Variants in XDH observed in about 807,000 individuals in gnomAD.
The protein encoded by XDH is xanthine dehydrogenase, also known as xanthine dehydrogenase/oxidase.
A neutral mutation model predicts 156.1 loss-of-function variants in XDH; 138 were observed. The observed-to-expected ratio is 0.88, with a 90% confidence interval of 0.77 to 1.02. The LOEUF is 1.02. Ranked by LOEUF, XDH falls within the 50% of genes least tolerant of loss-of-function variation. The pLI is 0.00. For synonymous variants in XDH, 669 were observed against 625.7 expected (o/e 1.07, Z -1.03); for missense variants, 1,849 against 1,684.9 (o/e 1.10, Z -1.71).
chr2:31,369,457 A>C (rs2043013), intron 18 of XDH, among the ~76,000 whole-genome samples: 72,846 of 152,106 alleles, frequency 0.48, 18,048 homozygotes, highest in African/African-American at 0.61. Flanking sequence ...AAATTTTTGT[A>C]CAACACATCA....
rs1038828217 is a variant in XDH, at chr2:31,355,144, A to C, written c.2632-4921T>G. Reference sequence around the variant, plus strand: ...GAAGTGGCAGTTTTTCAGGTGCTGAAAGAAACGAACTGTTAACTCAAAACT... The same window carrying C: ...GAAGTGGCAGTTTTTCAGGTGCTGACAGAAACGAACTGTTAACTCAAAACT... On this transcript the variant is annotated intron_variant, in intron 24 of 35. Coordinates refer to ENST00000379416, the MANE Select transcript of XDH (RefSeq NM_000379.4). Among the ~76,000 whole-genome samples, 12 of 152,322 alleles carry C rather than the reference A, an allele frequency of 7.9e-5. No homozygotes were observed. The East Asian group carries it at 2.3e-3, about 29-fold the overall frequency.
intron 20 of XDH, 147 bp downstream of exon 20, chr2:31,367,811 TCTC>T: frequency 1.3e-6 from 1 of 786,298 alleles, no homozygotes. Context: ...CATCCAACTG[TCTC>T]CTATTTTGCT....
intron 19 of XDH, 45 bp downstream of exon 19, chr2:31,368,496 G>T (rs368797976): frequency 8.7e-6 from 14 of 1,611,364 alleles, no homozygotes; most frequent in Non-Finnish European, 8.5e-6. Context: ...CACATCCAGG[G>T]ACGGGGAGCT....
At chr2:31,381,532 G>A in intron 12 of XDH, 101 bp downstream of exon 12, 2 of 1,179,822 alleles carry the variant, frequency 1.7e-6, no homozygotes, top group Non-Finnish European at 2.5e-6. Context: ...GGAAAGCTGG[G>A]TCACTGAACT....
At position 31,346,805 on chromosome 2, in the gene XDH, G is replaced by A; in HGVS notation, c.3315C>T (p.Tyr1105=). ...CQTILKRLEP[Y]KKKNPSGSWE... Reference sequence around the variant, plus strand: ...AGGAGCCACTGGGATTCTTCTTCTTGTAGGGTTCCAGCCTTTTCAAGATGG... The same window carrying A: ...AGGAGCCACTGGGATTCTTCTTCTTATAGGGTTCCAGCCTTTTCAAGATGG... Residue 1105 remains tyrosine (Y), a synonymous_variant, in exon 30 of 36, where the codon TAC becomes TAT. Transcript: ENST00000379416. The A allele has an allele frequency of 6.2e-7, 1 of 1,614,096 alleles. No homozygotes were observed.
chr2:31,346,004 C>G (rs1021636653), intron 30 of XDH, among the ~76,000 whole-genome samples: 2 of 152,154 alleles, frequency 1.3e-5, no homozygotes, highest in East Asian at 3.8e-4. Flanking sequence ...ATGAGTGGGT[C>G]TGAGAAAAAT....
At chr2:31,359,412 G>A (rs748357288) in intron 24 of XDH, among the ~76,000 whole-genome samples, 1 of 150,646 alleles carries the variant, frequency 6.6e-6, no homozygotes, top group African/African-American at 2.4e-5. Context: ...GGCCCTTTTA[G>A]TACAGGCGAA....
chr2:31,349,229 C>A (rs1685389253), intron 26 of XDH, among the ~76,000 whole-genome samples: 1 of 152,154 alleles, frequency 6.6e-6, no homozygotes, highest in Non-Finnish European at 1.5e-5. Flanking sequence ...GCCTCACTGA[C>A]AATAATAAAG....
At chr2:31,375,873 C>T (rs1385460940) in intron 14 of XDH, among the ~76,000 whole-genome samples, 2 of 152,128 alleles carry the variant, frequency 1.3e-5, no homozygotes, top group Non-Finnish European at 2.9e-5. Flanking sequence ...ATGTAGTAAG[C>T]AAAATTCCTA....
chr2:31,367,738 T>C (rs985375847), intron 20 of XDH, among the ~76,000 whole-genome samples: 3 of 152,180 alleles, frequency 2.0e-5, no homozygotes, highest in Middle Eastern at 6.3e-3. Flanking sequence ...AGAATCTCTC[T>C]AGAATCATTA....
intron 28 of XDH, 131 bp downstream of exon 28, chr2:31,348,137 C>T: frequency 1.1e-6 from 1 of 913,632 alleles, no homozygotes; most frequent in Non-Finnish European, 1.8e-6. Context: ...TTGCCCGAGG[C>T]TACACGGACA....
chr2:31,339,427 AC>A, intron 34 of XDH, 61 bp downstream of exon 34: 1 of 1,609,554 alleles, frequency 6.2e-7, no homozygotes, highest in Non-Finnish European at 8.5e-7. Flanking sequence ...GCCTCTCATC[AC>A]CCGCTGGGGC....
At chr2:31,395,605 C>A (rs1054320179) in intron 6 of XDH, among the ~76,000 whole-genome samples, 1 of 152,164 alleles carries the variant, frequency 6.6e-6, no homozygotes, top group Non-Finnish European at 1.5e-5. Context: ...GCACCCGCTC[C>A]ATGACTGCAT....
intron 6 of XDH, among the ~76,000 whole-genome samples, chr2:31,391,615 C>T (rs1040498834): frequency 3.3e-5 from 5 of 152,154 alleles, no homozygotes; most frequent in African/African-American, 1.2e-4. Flanking sequence ...TATTCAGTCT[C>T]CTTATTCATG....
chr2:31,389,894 G>A (rs1686717304), intron 6 of XDH, among the ~76,000 whole-genome samples: 1 of 151,814 alleles, frequency 6.6e-6, no homozygotes, highest in African/African-American at 2.4e-5. Context: ...AGAAAAAACT[G>A]AGTGGAAGAT....
chr2:31,387,626 C>G (rs977811577), intron 8 of XDH, among the ~76,000 whole-genome samples, 185 bp downstream of exon 8: 4 of 152,090 alleles, frequency 2.6e-5, no homozygotes, highest in African/African-American at 9.7e-5. Context: ...AACTGAAGTG[C>G]AGGGGCTGTG....
intron 4 of XDH, 140 bp downstream of exon 4, chr2:31,401,080 T>C: frequency 1.1e-6 from 1 of 909,504 alleles, no homozygotes; most frequent in South Asian, 1.4e-5. Flanking sequence ...GATGGGGAGG[T>C]GGCCAGGGTG....
intron 24 of XDH, among the ~76,000 whole-genome samples, chr2:31,363,869 G>A (rs1206672108): frequency 6.6e-6 from 1 of 151,974 alleles, no homozygotes; most frequent in Non-Finnish European, 1.5e-5. Flanking sequence ...ACTATTCCAT[G>A]CATATGTACA....
chr2:31,337,957 C>G (rs923511625), intron 34 of XDH, 140 bp from the exon 35 acceptor site: 2 of 814,436 alleles, frequency 2.5e-6, no homozygotes, highest in Non-Finnish European at 3.8e-6. Flanking sequence ...GGGAGCCACA[C>G]CAAATACAGC....
Sources: allele counts gnomAD v4.1 joint callset (sites outside exome capture counted in the v4.1 genomes callset), GRCh38; gene constraint gnomAD v4.1.1; transcripts MANE v1.5; gene names NCBI Gene and HGNC (gene_info 2026-07-23, HGNC 2026-07-21).